The following PCM1 variants were observed in gnomAD, a reference collection of about 807,000 sequenced individuals.
The protein encoded by PCM1 is pericentriolar material 1.
PCM1 carries 157 observed loss-of-function variants against 241.9 expected under a neutral mutation model. The observed-to-expected ratio is 0.65, with a 90% CI of 0.57 to 0.74. PCM1 has a LOEUF of 0.74. PCM1 is among the 30% of genes least tolerant of loss of function. The pLI is 0.00. For synonymous variants in PCM1, 1,085 were observed against 784.9 expected (o/e 1.38, Z -6.39); for missense variants, 3,478 against 2,360.1 (o/e 1.47, Z -9.81).
At chr8:17,929,871 A>G (rs2129446765) in intron 2 of PCM1, among the ~76,000 whole-genome samples, 1 of 152,328 alleles carries the variant, frequency 6.6e-6, no homozygotes, top group Admixed American at 6.5e-5. Flanking sequence ...GAATAGTCAC[A>G]ACAGTATACT....
chr8:17,990,985 C>G (rs556747371), intron 27 of PCM1, among the ~76,000 whole-genome samples: 1 of 152,102 alleles, frequency 6.6e-6, no homozygotes, highest in South Asian at 2.1e-4. Flanking sequence ...CTTAGGTTGT[C>G]CCTCTCTTTC....
At chr8:17,947,562 C>T (rs2064306411) in intron 7 of PCM1, among the ~76,000 whole-genome samples, 199 bp downstream of exon 7, 1 of 152,128 alleles carries the variant, frequency 6.6e-6, no homozygotes, top group Admixed American at 6.6e-5. Context: ...CATACTATAC[C>T]ATGCAGATAG....
chr8:17,952,690 C>G (rs929170375), intron 8 of PCM1, among the ~76,000 whole-genome samples: 1 of 152,040 alleles, frequency 6.6e-6, no homozygotes, highest in Non-Finnish European at 1.5e-5. Flanking sequence ...AGATACTACA[C>G]CATTTTATAT....
At chr8:17,996,172 T>C (rs2086661272) in intron 29 of PCM1, among the ~76,000 whole-genome samples, 1 of 152,212 alleles carries the variant, frequency 6.6e-6, no homozygotes, top group Non-Finnish European at 1.5e-5. Flanking sequence ...GCTGTGGGTC[T>C]GTTGTATATG....
At chr8:17,942,114 G>A (rs1384653191) in intron 6 of PCM1, among the ~76,000 whole-genome samples, 1 of 152,048 alleles carries the variant, frequency 6.6e-6, no homozygotes, top group Non-Finnish European at 1.5e-5. Flanking sequence ...TAAATTGCGA[G>A]TATAATTTAT....
chr8:18,029,395 T>TTAC lies in PCM1; in HGVS notation c.*1733_*1734insTAC. ...TCAGGGAAATTGGAACAATAAGTTATGTTACATGCACACTCAAATTCTTTA... is the reference window on the plus strand; with the variant it reads ...TCAGGGAAATTGGAACAATAAGTTATTACGTTACATGCACACTCAAATTCTTTA... On this transcript the variant is annotated 3_prime_UTR_variant, in exon 39 of 39. Transcript: ENST00000325083. 4.6e-6 allele frequency: 1 copy of TTAC among 217,200 alleles called. No homozygotes were observed. The highest frequency in any genetic ancestry group is 2.3e-5 in the African/African-American group (1 of 44,414). 13.5% of individuals were successfully genotyped at this position (217,200 alleles called of 1,614,324 possible). A position where few individuals can be genotyped will look rare whatever the true frequency, so the allele number is the denominator to read the frequency against.
intron 29 of PCM1, among the ~76,000 whole-genome samples, chr8:17,999,639 G>T (rs1564287465): frequency 6.6e-6 from 1 of 152,140 alleles, no homozygotes; most frequent in African/African-American, 2.4e-5. Context: ...GAGGGGTGGC[G>T]TCAGCAATTC....
At position 17,969,660 on chromosome 8, in the gene PCM1, T is replaced by G; in HGVS notation, c.3496T>G (p.Leu1166Val). 1.9e-6 allele frequency: 3 copies of G among 1,612,906 alleles called. No homozygotes were observed. The highest frequency in any genetic ancestry group is 2.5e-6 in the Non-Finnish European group (3 of 1,179,034). The change falls in exon 22 of 39, where the codon TTA becomes GTA. Residue 1166 changes from leucine to valine, a missense_variant. Coordinates refer to ENST00000325083, the MANE Select transcript of PCM1 (RefSeq NM_006197.4). ...ISTPSEQQQPLAQNSSGKTEY... is the reference protein window; with the variant it reads ...ISTPSEQQQPVAQNSSGKTEY... Reference sequence around the variant, plus strand: ...TACACCCAGTGAACAGCAGCAACCCTTAGCCCAGAATTCTTCAGGAAAAAC... The same window carrying G: ...TACACCCAGTGAACAGCAGCAACCCGTAGCCCAGAATTCTTCAGGAAAAAC...
In PCM1 at chr8:18,014,836, A is replaced by G. The variant is rs1208666929; in HGVS notation, c.5837A>G (p.Asp1946Gly). 1 of 1,592,592 alleles carries G rather than the reference A, an allele frequency of 6.3e-7. No homozygotes were observed. Among genetic ancestry groups the G allele is most frequent in the Admixed American group, 1.7e-5 (1 of 58,456 alleles). Residue 1946 changes from aspartate (D) to glycine (G), a missense_variant, in exon 36 of 39, where the codon GAC becomes GGC. By Grantham distance (94) the Asp-to-Gly change is moderately conservative. Coordinates refer to ENST00000325083, the MANE Select transcript of PCM1 (RefSeq NM_006197.4). The stretch of plus-strand genomic sequence containing the variant: ...ACTGAATCTCCAGTGTTAGTGAATG[A>G]CTATGTATGTATCATTTACATTTCC... ...PDTESPVLVN[D>G]YEAESGNISQ...
At chr8:17,995,194 G>A (rs1373799197) in intron 29 of PCM1, among the ~76,000 whole-genome samples, 2 of 151,374 alleles carry the variant, frequency 1.3e-5, no homozygotes, top group Admixed American at 1.3e-4. Flanking sequence ...ATTTTGATTT[G>A]ACTTTTGTAT....
At chr8:17,926,308 T>C (rs1366293162) in intron 2 of PCM1, 2 of 152,124 alleles carry the variant, frequency 1.3e-5, no homozygotes, top group Non-Finnish European at 1.5e-5. Flanking sequence ...ATTTGAGACT[T>C]GGAGAAACTA....
At chr8:18,026,727 T>C (rs766950673) in intron 38 of PCM1, among the ~76,000 whole-genome samples, 4 of 152,120 alleles carry the variant, frequency 2.6e-5, no homozygotes, top group Non-Finnish European at 5.9e-5. Context: ...ATATTATTTT[T>C]GTTTGTTCTA....
chr8:18,012,941 GC>G (rs1428449606), intron 34 of PCM1, among the ~76,000 whole-genome samples: 1 of 152,028 alleles, frequency 6.6e-6, no homozygotes, highest in Non-Finnish European at 1.5e-5. Flanking sequence ...TTTCACAGAA[GC>G]ATTACCTTCC....
chr8:17,965,915 A>G, intron 18 of PCM1, 84 bp from the exon 19 acceptor site: 2 of 852,970 alleles, frequency 2.3e-6, no homozygotes, highest in Non-Finnish European at 3.6e-6. Context: ...ATTGGCCCAT[A>G]GGCCTGAGTA....
intron 28 of PCM1, 55 bp from the exon 29 acceptor site, chr8:17,993,428 A>T: frequency 1.7e-6 from 2 of 1,186,586 alleles, no homozygotes; most frequent in Non-Finnish European, 1.2e-6. Context: ...ATAAAGGCAT[A>T]TATGTATATA....
chr8:17,925,973 A>G (rs1436786432), intron 2 of PCM1: 2 of 151,908 alleles, frequency 1.3e-5, no homozygotes, highest in African/African-American at 2.4e-5. Flanking sequence ...TAGTTGATGT[A>G]TATCTTAATT....
chr8:18,018,403 T>C (rs2129487210), intron 36 of PCM1, among the ~76,000 whole-genome samples: 1 of 152,222 alleles, frequency 6.6e-6, no homozygotes, highest in South Asian at 2.1e-4. Flanking sequence ...TACAAATACA[T>C]TATTCCAAGC....
chr8:17,940,015 A>G (rs751673110), intron 6 of PCM1, 154 bp downstream of exon 6: 6 of 1,429,016 alleles, frequency 4.2e-6, no homozygotes, highest in East Asian at 2.4e-5. Flanking sequence ...TAATAGTTGT[A>G]TGATTTATAC....
intron 4 of PCM1, 22 bp from the exon 5 acceptor site, chr8:17,938,718 T>C: frequency 6.3e-7 from 1 of 1,587,956 alleles, no homozygotes; most frequent in Non-Finnish European, 8.6e-7. Context: ...TTTGTGTGAT[T>C]TGATTTCTTT....
Sources: allele counts gnomAD v4.1 joint callset (sites outside exome capture counted in the v4.1 genomes callset), GRCh38; gene constraint gnomAD v4.1.1; transcripts MANE v1.5; gene names NCBI Gene and HGNC (gene_info 2026-07-23, HGNC 2026-07-21).